The following CSDE1 variants were observed in gnomAD, a reference collection of about 807,000 sequenced individuals.
CSDE1 encodes cold shock domain-containing protein E1.
Under a neutral mutation model 89.3 loss-of-function variants are expected in CSDE1, and 17 were observed. The ratio of observed to expected loss-of-function variants is 0.19; its 90% confidence interval spans 0.13 to 0.29. CSDE1 has a LOEUF of 0.29. CSDE1 is among the 10% of genes least tolerant of loss of function. The pLI is 1.00. For synonymous variants in CSDE1, 322 were observed against 332.8 expected (o/e 0.97, Z 0.35); for missense variants, 672 against 984.2 (o/e 0.68, Z 4.24).
At chr1:114,718,241 C>T (rs773967564) in intron 19 of CSDE1, 25 bp from the exon 20 acceptor site, 83 of 1,606,206 alleles carry the variant, frequency 5.2e-5, no homozygotes, top group Non-Finnish European at 6.9e-5. Context: ...AAAAAAAAAC[C>T]CTGCAGTTAA....
rs546046078 is a variant in CSDE1, at chr1:114,717,753, G to A, written c.*416C>T. The A allele has an allele frequency of 5.9e-6, 1 of 168,986 alleles. No homozygotes were observed. Among genetic ancestry groups the A allele is most frequent in the Admixed American group, 6.1e-5 (1 of 16,284 alleles). 10.5% of individuals were successfully genotyped at this position (168,986 alleles called of 1,614,324 possible). A position where few individuals can be genotyped will look rare whatever the true frequency, so the allele number is the denominator to read the frequency against. ...AGAAAAAGGAAAAGAATGCAACTGA[G>A]TGCTAAGGCAGAACATCTTGCCAGA... On this transcript the variant is annotated 3_prime_UTR_variant, in exon 20 of 20. Coordinates refer to ENST00000358528, the MANE Select transcript of CSDE1 (RefSeq NM_001007553.3).
chr1:114,723,751 A>G, intron 16 of CSDE1, 132 bp downstream of exon 16: 2 of 1,255,562 alleles, frequency 1.6e-6, no homozygotes, highest in South Asian at 1.3e-5. Context: ...AGCAAGCATG[A>G]GAGAGGTCAC....
At chr1:114,736,683 C>T in intron 6 of CSDE1, 75 bp downstream of exon 6, 1 of 851,864 alleles carries the variant, frequency 1.2e-6, no homozygotes, top group East Asian at 2.6e-5. Context: ...AGGTTTTTAA[C>T]TCTATTCAAA....
intron 6 of CSDE1, 99 bp from the exon 7 acceptor site, chr1:114,734,622 T>C: frequency 1.2e-6 from 1 of 835,426 alleles, no homozygotes; most frequent in Non-Finnish European, 1.9e-6. Flanking sequence ...TTCCTGGGGC[T>C]TTAAGAATTC....
At chr1:114,728,144 A>G (rs1184440416) in intron 12 of CSDE1, among the ~76,000 whole-genome samples, 1 of 152,196 alleles carries the variant, frequency 6.6e-6, no homozygotes, top group Non-Finnish European at 1.5e-5. Flanking sequence ...AATCATCTCC[A>G]TAGTTTCTCT....
chr1:114,750,928 T>G (rs1661273351), intron 1 of CSDE1, among the ~76,000 whole-genome samples: 1 of 152,246 alleles, frequency 6.6e-6, no homozygotes, highest in Non-Finnish European at 1.5e-5. Context: ...TCTGCATGAA[T>G]GCCTGTGGCA....
intron 10 of CSDE1, among the ~76,000 whole-genome samples, chr1:114,731,682 T>C (rs537425140): frequency 6.6e-5 from 10 of 152,244 alleles, no homozygotes; most frequent in East Asian, 1.9e-4. Flanking sequence ...AAAAAACAAT[T>C]TGTGAAGTTC....
At position 114,718,336 on chromosome 1, in the gene CSDE1, A is replaced by G. The variant is rs957414041; in HGVS notation, c.2350-120T>C. The G allele has an allele frequency of 1.9e-5, 23 of 1,204,764 alleles. No individual in the cohort carries two copies. The Admixed American group carries it at 5.3e-4, about 28-fold the overall frequency. 74.6% of individuals were successfully genotyped at this position (1,204,764 alleles called of 1,614,324 possible). ...ATTATTTTTAATCATCTTATGCAGT[A>G]CTAATTCTTTCCTAGAGGAGAAAAT... On this transcript the variant is annotated intron_variant, in intron 19 of 19. Coordinates refer to ENST00000358528, the MANE Select transcript of CSDE1 (RefSeq NM_001007553.3).
At chr1:114,752,659 T>C (rs1370556723) in intron 1 of CSDE1, among the ~76,000 whole-genome samples, 4 of 152,216 alleles carry the variant, frequency 2.6e-5, no homozygotes, top group African/African-American at 4.8e-5. Context: ...TTTGCTTATA[T>C]GGGTCTTCCC....
intron 16 of CSDE1, among the ~76,000 whole-genome samples, chr1:114,721,064 G>C (rs10489525): frequency 6.6e-6 from 1 of 151,972 alleles, no homozygotes; most frequent in African/African-American, 2.4e-5. Context: ...TTCTTCCCAA[G>C]TTCACAATAT....
At position 114,733,133 on chromosome 1, in the gene CSDE1, G is replaced by A. The variant is rs189550811; in HGVS notation, c.838-317C>T. Among the ~76,000 whole-genome samples the A allele has an allele frequency of 4.1e-4, 63 of 152,256 alleles. 1 individual carries two copies. The highest frequency in any genetic ancestry group is 2.6e-4 in the African/African-American group (11 of 41,546). The stretch of plus-strand genomic sequence containing the variant: ...GGAGGGGTAGGGCAGGGGCAGAGGA[G>A]GGAACAAATGTACACCTGAACTGCA... On this transcript the variant is annotated intron_variant, in intron 9 of 19. Transcript: ENST00000358528.
chr1:114,734,561 A>C, intron 6 of CSDE1, 38 bp from the exon 7 acceptor site: 1 of 1,549,724 alleles, frequency 6.5e-7, no homozygotes, highest in Non-Finnish European at 8.9e-7. Flanking sequence ...GGAATGAAAC[A>C]GGGATTAAAA....
chr1:114,733,909 C>T (rs765876451), intron 8 of CSDE1, 52 bp from the exon 9 acceptor site: 3 of 1,607,536 alleles, frequency 1.9e-6, no homozygotes, highest in East Asian at 2.2e-5. Context: ...GGAAGAATCA[C>T]ATAATTTTAA....
chr1:114,737,950 C>G lies in CSDE1; in HGVS notation c.309+13G>C. ...AGGGCCCTAAAAAAACACAAAGCAT[C>G]AAAGTCACTAACTTGTCCATTCATT... On this transcript the variant is annotated intron_variant, in intron 4 of 19. Coordinates refer to ENST00000358528, the MANE Select transcript of CSDE1 (RefSeq NM_001007553.3). 6.3e-7 allele frequency: 1 copy of G among 1,575,038 alleles called. No individual in the cohort carries two copies. The highest frequency in any genetic ancestry group is 8.7e-7 in the Non-Finnish European group (1 of 1,144,564).
At chr1:114,728,550 T>C (rs1239843904) in intron 12 of CSDE1, among the ~76,000 whole-genome samples, 1 of 151,776 alleles carries the variant, frequency 6.6e-6, no homozygotes, top group Non-Finnish European at 1.5e-5. Flanking sequence ...AAACAAAAAA[T>C]GGCAGGGAAA....
At chr1:114,753,754 A>G (rs973717644) in intron 1 of CSDE1, among the ~76,000 whole-genome samples, 6 of 152,130 alleles carry the variant, frequency 3.9e-5, no homozygotes, top group African/African-American at 1.4e-4. Context: ...AAATTTTAGA[A>G]ATAAAAAATA....
intron 13 of CSDE1, 114 bp downstream of exon 13, chr1:114,726,869 A>G (rs1332071213): frequency 6.1e-6 from 4 of 653,126 alleles, no homozygotes; most frequent in African/African-American, 1.8e-5. Flanking sequence ...TATTTCTCTT[A>G]AACACAAAAT....
Position 114,719,160 on chromosome 1 carries a change from T to C in CSDE1, c.2217-415A>G, listed in dbSNP as rs766766241. 5.3e-5 allele frequency among the ~76,000 whole-genome samples: 8 copies of C among 152,084 alleles called. No individual in the cohort carries two copies. In the East Asian group the frequency reaches 1.4e-3, roughly 26 times the overall value. ...GACCATGTCTCTACAAAAAATAAAA[T>C]TGGCTGCATGTGGTGGCGCATGCTT... On this transcript the variant is annotated intron_variant, in intron 18 of 19. Coordinates refer to ENST00000358528, the MANE Select transcript of CSDE1 (RefSeq NM_001007553.3).
At chr1:114,746,920 C>T (rs1023098841) in intron 2 of CSDE1, 2 of 152,214 alleles carry the variant, frequency 1.3e-5, no homozygotes, top group African/African-American at 4.8e-5. Context: ...TACTATCACA[C>T]ACCTAGCAAC....
Sources: gnomAD v4.1 joint callset for allele counts (sites outside exome capture counted in the v4.1 genomes callset) on GRCh38, gnomAD v4.1.1 for gene constraint, MANE v1.5 for transcripts, NCBI Gene and HGNC (gene_info 2026-07-23, HGNC 2026-07-21) for gene names.